The following RNF32 variants were observed in gnomAD, a reference collection of about 807,000 sequenced individuals.
The protein encoded by RNF32 is ring finger protein 32.
In RNF32, 36 loss-of-function variants were observed where a neutral mutation model predicts 41.0. That is an observed-to-expected ratio of 0.88 (90% confidence interval 0.67 to 1.16). RNF32 has a LOEUF of 1.16. RNF32 is among the 50% of genes most tolerant of loss of function. The pLI is 0.00. For missense variants in RNF32, 413 were observed against 436.7 expected (o/e 0.95, Z 0.48); for synonymous variants, 154 against 160.9 (o/e 0.96, Z 0.32).
At chr7:156,646,522 A>G in intron 3 of RNF32, 2 of 1,292,386 alleles carry the variant, frequency 1.5e-6, no homozygotes, top group Non-Finnish European at 2.0e-6. Context: ...ATCTGCAAAG[A>G]CCCTATTTCC....
At chr7:156,676,015 T>C (rs1350249182) in intron 8 of RNF32, 152 bp downstream of exon 8, 3 of 868,128 alleles carry the variant, frequency 3.5e-6, no homozygotes, top group Admixed American at 5.3e-5. Context: ...GGGGGTGGCA[T>C]GTCGGGGGAG....
rs568911616 is a variant in RNF32 at position 156,670,140 on chromosome 7, A to G, written c.685-5556A>G. Among the ~76,000 whole-genome samples the G allele has an allele frequency of 1.3e-5, 2 of 152,302 alleles. No homozygotes were observed. The highest frequency in any genetic ancestry group is 4.1e-4 in the South Asian group (2 of 4,820). On this transcript the variant is annotated intron_variant, in intron 7 of 8. Transcript: ENST00000317955. The surrounding 1 kb of genome is among the most constrained non-coding windows in gnomAD (Gnocchi z 4.3). ...CACCAGAATGTCAGTTTTAAGTGCA[A>G]ATATTAGAGCATTTAAGTCATACGT...
At position 156,658,264 on chromosome 7, in the gene RNF32, AG is replaced by A. The variant is rs1286662245; in HGVS notation, c.575+14del. The A allele has an allele frequency of 3.1e-6, 5 of 1,612,684 alleles. No homozygotes were observed. Among genetic ancestry groups the A allele is most frequent in the African/African-American group, 1.3e-5 (1 of 74,928 alleles). ...AAGTGTGTGACCAGGTGAGGACGCC[AG>A]GCCCGTTTGGCGCTAAGCAGACACA... On this transcript the variant is annotated intron_variant, in intron 6 of 8. Coordinates refer to ENST00000317955, the MANE Select transcript of RNF32 (RefSeq NM_030936.4).
chr7:156,675,643 G>A, intron 7 of RNF32, 53 bp from the exon 8 acceptor site: 9 of 1,549,228 alleles, frequency 5.8e-6, no homozygotes, highest in Non-Finnish European at 7.1e-6. Context: ...GCGCTTCCCT[G>A]CAACCTCCAC....
At chr7:156,662,555 C>T (rs1800795257) in intron 7 of RNF32, among the ~76,000 whole-genome samples, 1 of 152,040 alleles carries the variant, frequency 6.6e-6, no homozygotes, top group Admixed American at 6.6e-5. Flanking sequence ...CAGGCACAGT[C>T]TCACTCTCTT....
chr7:156,654,369 C>A, intron 3 of RNF32: 1 of 474,820 alleles, frequency 2.1e-6, no homozygotes, highest in Non-Finnish European at 3.8e-6. Context: ...AATACTCCAC[C>A]ATCTTCTATC....
intron 7 of RNF32, chr7:156,660,011 C>T (rs1051290947): frequency 1.6e-5 from 16 of 985,408 alleles, no homozygotes; most frequent in South Asian, 4.7e-5. Flanking sequence ...TCCCACTGGA[C>T]GTTGGGTCCG....
At chr7:156,667,469 A>G (rs1377776629) in intron 7 of RNF32, among the ~76,000 whole-genome samples, 1 of 152,240 alleles carries the variant, frequency 6.6e-6, no homozygotes, top group Non-Finnish European at 1.5e-5. Flanking sequence ...AAATTACACT[A>G]AGACATTCAT....
chr7:156,658,795 A>C, intron 7 of RNF32: 1 of 1,016,506 alleles, frequency 9.8e-7, no homozygotes, highest in South Asian at 1.5e-5. Flanking sequence ...TCATAAAATT[A>C]GGTTAAATCA....
chr7:156,675,591 A>T lies in RNF32; in HGVS notation c.685-105A>T. 3.6e-6 allele frequency: 3 copies of T among 844,950 alleles called. No homozygotes were observed. In the South Asian group the frequency reaches 4.7e-5, roughly 13 times the overall value. 52.3% of individuals were successfully genotyped at this position (844,950 alleles called of 1,614,324 possible). Reference sequence around the variant, plus strand: ...TCCCTAAAAAGTATTATTCGAAGACAGAGACGAGGAAGGTTACCAAAATAG... The same window carrying T: ...TCCCTAAAAAGTATTATTCGAAGACTGAGACGAGGAAGGTTACCAAAATAG... On this transcript the variant is annotated intron_variant, in intron 7 of 8. Transcript: ENST00000317955.
intron 7 of RNF32, chr7:156,659,352 T>C (rs1800245072): frequency 1.0e-6 from 1 of 986,908 alleles, no homozygotes; most frequent in Non-Finnish European, 1.2e-6. Context: ...GTGTGTTCTG[T>C]TCCTGAGAGC....
At chr7:156,651,548 T>A (rs1798745196) in intron 3 of RNF32, among the ~76,000 whole-genome samples, 1 of 152,226 alleles carries the variant, frequency 6.6e-6, no homozygotes, top group African/African-American at 2.4e-5. Flanking sequence ...ATGTCTACGC[T>A]GCTGTTTTGT....
At chr7:156,657,702 AG>A (rs778909181) in intron 5 of RNF32, 129 bp downstream of exon 5, 3 of 881,242 alleles carry the variant, frequency 3.4e-6, no homozygotes, top group Non-Finnish European at 5.8e-6. Flanking sequence ...CTATAGTTAA[AG>A]AAACATGACT....
At chr7:156,646,570 A>G (rs1045730158) in intron 3 of RNF32, 21 of 1,197,534 alleles carry the variant, frequency 1.8e-5, no homozygotes, top group Middle Eastern at 2.2e-4. Flanking sequence ...GGTGAATAAG[A>G]ATTTTGAGAT....
upstream of RNF32, chr7:156,640,357 G>C (rs745944661): frequency 6.3e-5 from 28 of 445,704 alleles, no homozygotes; most frequent in South Asian, 4.3e-4. Context: ...TGAGGAGCGT[G>C]GCTGCGCCCA....
At chr7:156,665,017 T>A (rs191818910) in intron 7 of RNF32, among the ~76,000 whole-genome samples, 1 of 152,312 alleles carries the variant, frequency 6.6e-6, no homozygotes, top group East Asian at 1.9e-4. Flanking sequence ...GATTAAGATA[T>A]TTAAAATAAA....
rs570748083 is a variant in RNF32, at chr7:156,642,784, C to G, written c.-77-1017C>G. 3.3e-5 allele frequency among the ~76,000 whole-genome samples: 5 copies of G among 152,256 alleles called. No individual in the cohort carries two copies. The East Asian group carries it at 9.7e-4, about 29-fold the overall frequency. The stretch of plus-strand genomic sequence containing the variant: ...CACAGCTTTGGGATGTGGGAGGAAC[C>G]CGGGGTACCTGGAGGAAACCCACAG... On this transcript the variant is annotated intron_variant, in intron 1 of 8. Coordinates refer to ENST00000317955, the MANE Select transcript of RNF32 (RefSeq NM_030936.4).
intron 3 of RNF32, among the ~76,000 whole-genome samples, chr7:156,649,566 T>C (rs1798437346): frequency 6.6e-6 from 1 of 152,234 alleles, no homozygotes; most frequent in African/African-American, 2.4e-5. Flanking sequence ...TGTTGGCCTT[T>C]ATCTAATTAT....
intron 3 of RNF32, among the ~76,000 whole-genome samples, chr7:156,647,956 G>A (rs549741631): frequency 1.3e-5 from 2 of 151,574 alleles, no homozygotes; most frequent in African/African-American, 4.8e-5. Context: ...TTTCATGTTT[G>A]TTGGCCATCT....
Sources: allele counts gnomAD v4.1 joint callset (sites outside exome capture counted in the v4.1 genomes callset), GRCh38; gene constraint gnomAD v4.1.1; non-coding constraint Gnocchi (gnomAD v3.1); transcripts MANE v1.5; gene names NCBI Gene and HGNC (gene_info 2026-07-23, HGNC 2026-07-21).